PAQR5: variants seen among roughly 807,000 people sequenced by gnomAD.
PAQR5 encodes membrane progestin receptor gamma.
Under a neutral mutation model 34.5 loss-of-function variants are expected in PAQR5, and 20 were observed. The observed-to-expected ratio is 0.58, with a 90% CI of 0.41 to 0.84. The LOEUF is 0.84. PAQR5 is among the 40% of genes least tolerant of loss of function. The pLI is 0.00. For missense variants in PAQR5, 378 were observed against 412.7 expected (o/e 0.92, Z 0.73); for synonymous variants, 131 against 155.6 (o/e 0.84, Z 1.18).
Position 69,300,917 on chromosome 15 carries a change from C to T in PAQR5, c.-277+1861C>T, listed in dbSNP as rs1566986550. Among the ~76,000 whole-genome samples, 2 of 6,242 alleles carry T rather than the reference C, an allele frequency of 3.2e-4. 1 individual carries two copies. Among genetic ancestry groups the T allele is most frequent in the Non-Finnish European group, 1.5e-3 (2 of 1,340 alleles). 4.1% of individuals were successfully genotyped at this position (6,242 alleles called of 152,430 possible). A position where few individuals can be genotyped will look rare whatever the true frequency, so the allele number is the denominator to read the frequency against. On this transcript the variant is annotated intron_variant, in intron 1 of 8. Transcript: ENST00000395407. ...TCTTCCTTCCTTCCTTCCTTCCTTTCTCTCTCTCTCTCTCTCTCTCTCTTT... is the reference window on the plus strand; with the variant it reads ...TCTTCCTTCCTTCCTTCCTTCCTTTTTCTCTCTCTCTCTCTCTCTCTCTTT...
intron 2 of PAQR5, among the ~76,000 whole-genome samples, chr15:69,359,080 C>A (rs1159360496): frequency 6.6e-6 from 1 of 152,164 alleles, no homozygotes; most frequent in Non-Finnish European, 1.5e-5. Context: ...GGTGAGGGCC[C>A]ATTCCTCATA....
intron 2 of PAQR5, among the ~76,000 whole-genome samples, chr15:69,341,927 CAA>C (rs71149907): frequency 3.0e-5 from 4 of 135,082 alleles, no homozygotes; most frequent in African/African-American, 2.8e-5. Flanking sequence ...GACCCTGTCT[CAA>C]AAAAAAAAAA....
At chr15:69,310,874 T>A (rs892751509) in intron 1 of PAQR5, among the ~76,000 whole-genome samples, 2 of 151,052 alleles carry the variant, frequency 1.3e-5, no homozygotes, top group Admixed American at 6.6e-5. Context: ...CCGTCTCTAC[T>A]AAAAATACAA....
chr15:69,400,131 C>T lies in PAQR5; in HGVS notation c.751+16C>T. 1.2e-6 allele frequency: 2 copies of T among 1,606,314 alleles called. No homozygotes were observed. Among genetic ancestry groups the T allele is most frequent in the Non-Finnish European group, 1.7e-6 (2 of 1,176,402 alleles). ...GACTACATCGGTGAGTGGGCAACAGCCCTGCTGCTCTGCTCATTGCCCTCC... is the reference window on the plus strand; with the variant it reads ...GACTACATCGGTGAGTGGGCAACAGTCCTGCTGCTCTGCTCATTGCCCTCC... On this transcript the variant is annotated intron_variant, in intron 8 of 8. Coordinates refer to ENST00000395407, the MANE Select transcript of PAQR5 (RefSeq NM_017705.4).
At chr15:69,371,966 A>G (rs2055575024) in intron 3 of PAQR5, among the ~76,000 whole-genome samples, 1 of 152,224 alleles carries the variant, frequency 6.6e-6, no homozygotes, top group Admixed American at 6.5e-5. Context: ...CTAAGCGTTT[A>G]ACAGCATGGA....
At position 69,404,991 on chromosome 15, in the gene PAQR5, C is replaced by G; in HGVS notation, c.*1169C>G. 5 of 398,608 alleles carry G rather than the reference C, an allele frequency of 1.3e-5. No homozygotes were observed. Among genetic ancestry groups the G allele is most frequent in the Non-Finnish European group, 2.2e-5 (5 of 226,052 alleles). The allele number at this position is 398,608 out of a possible 1,614,324, so 24.7% of individuals were successfully genotyped here. Reference sequence around the variant, plus strand: ...GTTACATGTTCCAAAAGGCATTAGACCTATCAGCTTTGTTTCGCCTGATCT... The same window carrying G: ...GTTACATGTTCCAAAAGGCATTAGAGCTATCAGCTTTGTTTCGCCTGATCT... On this transcript the variant is annotated 3_prime_UTR_variant, in exon 9 of 9. Coordinates refer to ENST00000395407, the MANE Select transcript of PAQR5 (RefSeq NM_017705.4).
chr15:69,333,075 G>GT (rs1052153757), intron 1 of PAQR5, among the ~76,000 whole-genome samples: 1 of 152,064 alleles, frequency 6.6e-6, no homozygotes, highest in African/African-American at 2.4e-5. Flanking sequence ...TTTGGGACTT[G>GT]TTTTTTTCCT....
intron 3 of PAQR5, among the ~76,000 whole-genome samples, chr15:69,369,695 G>A (rs979755661): frequency 1.3e-5 from 2 of 151,488 alleles, no homozygotes; most frequent in African/African-American, 4.9e-5. Flanking sequence ...TAGGGGCATG[G>A]ACCACAAACC....
Position 69,319,601 on chromosome 15 carries a change from A to G in PAQR5, c.-276-17740A>G, listed in dbSNP as rs534091392. ...TCTGACAAGCCAGGTTTCTTTGGAAACACAGCTGGGCTTGGGACTTGCTGC... is the reference window on the plus strand; with the variant it reads ...TCTGACAAGCCAGGTTTCTTTGGAAGCACAGCTGGGCTTGGGACTTGCTGC... On this transcript the variant is annotated intron_variant, in intron 1 of 8. Transcript: ENST00000395407. Among the ~76,000 whole-genome samples the G allele has an allele frequency of 5.9e-5, 9 of 152,136 alleles. No homozygotes were observed. The East Asian group carries it at 1.6e-3, about 26-fold the overall frequency.
Position 69,360,039 on chromosome 15 carries a change from G to A in PAQR5, c.-42G>A, listed in dbSNP as rs368646324. The A allele has an allele frequency of 5.8e-6, 9 of 1,540,650 alleles. No individual in the cohort carries two copies. In the Admixed American group the frequency reaches 1.0e-4, roughly 17 times the overall value. On this transcript the variant is annotated 5_prime_UTR_variant, in exon 3 of 9. Transcript: ENST00000395407. ...AGCTTTGAGTGAGGCCTGGTAACAG[G>A]GAGGCGCTGTCACCTACTGGCCTTG...
At chr15:69,326,923 TTTATGTTGTGC>T (rs2054267430) in intron 1 of PAQR5, among the ~76,000 whole-genome samples, 1 of 151,594 alleles carries the variant, frequency 6.6e-6, no homozygotes, top group African/African-American at 2.4e-5. Flanking sequence ...GGCCTCATGC[TTTATGTTGTGC>T]ATTCTATGGA....
At chr15:69,384,206 G>A (rs188886802) in intron 4 of PAQR5, among the ~76,000 whole-genome samples, 1 of 131,874 alleles carries the variant, frequency 7.6e-6, no homozygotes, top group Non-Finnish European at 1.6e-5. Flanking sequence ...GAGGGTGAGC[G>A]GGGGCCCTCC....
intron 3 of PAQR5, among the ~76,000 whole-genome samples, chr15:69,370,048 A>ATATTAATTGCATT (rs2055514792): frequency 6.6e-6 from 1 of 152,220 alleles, no homozygotes; most frequent in South Asian, 2.1e-4. Flanking sequence ...TCCAGACAGC[A>ATATTAATTGCATT]TATTAATTGC....
Position 69,384,826 on chromosome 15 carries a change from A to G in PAQR5, c.329A>G (p.Asn110Ser), listed in dbSNP as rs2056063237. The change falls in exon 5 of 9, where the codon AAT becomes AGT. Residue 110 changes from asparagine (N) to serine (S), a missense_variant. Asn to Ser is a conservative substitution (Grantham distance 46, BLOSUM62 1). Transcript: ENST00000395407. ...CAHTFSSMSK[N>S]ARHICYFLDY... ...CACACCTTCAGCTCTATGTCCAAGA[A>G]TGCCCGGCACATTTGCTACTTCCTG... The G allele has an allele frequency of 6.2e-7, 1 of 1,614,070 alleles. No individual in the cohort carries two copies. Among genetic ancestry groups the G allele is most frequent in the African/African-American group, 1.3e-5 (1 of 74,938 alleles).
rs1360434493 is a variant in PAQR5, at chr15:69,407,328, CA to C, written c.*3507del. On this transcript the variant is annotated 3_prime_UTR_variant, in exon 9 of 9. Coordinates refer to ENST00000395407, the MANE Select transcript of PAQR5 (RefSeq NM_017705.4). ...ACTTTTTGTAGAGATAGGGTTTTGC[CA>C]TGCTGCCCAGGCTGGCTTAGAATTC... 5 of 152,054 alleles carry C rather than the reference CA, an allele frequency of 3.3e-5. No individual in the cohort carries two copies. The highest frequency in any genetic ancestry group is 1.2e-4 in the African/African-American group (5 of 41,376). 9.4% of individuals were successfully genotyped at this position (152,054 alleles called of 1,614,324 possible).
At position 69,305,526 on chromosome 15, in the gene PAQR5, G is replaced by A. The variant is rs568639897; in HGVS notation, c.-277+6470G>A. On this transcript the variant is annotated intron_variant, in intron 1 of 8. Transcript: ENST00000395407. ...AGTCGGGGTGGGTGGGGCGAGGCTC[G>A]GAGTGAGGGGGAGAGAGGCCTGTGG... Among the ~76,000 whole-genome samples, 5 of 152,162 alleles carry A rather than the reference G, an allele frequency of 3.3e-5. No homozygotes were observed. The South Asian group carries it at 6.2e-4, about 19-fold the overall frequency.
intron 1 of PAQR5, among the ~76,000 whole-genome samples, chr15:69,312,021 G>C (rs2053844401): frequency 6.6e-6 from 1 of 152,172 alleles, no homozygotes; most frequent in African/African-American, 2.4e-5. Context: ...ATTCCTGGAG[G>C]AAGTGGGCTG....
At chr15:69,360,963 A>G (rs1218593604) in intron 3 of PAQR5, among the ~76,000 whole-genome samples, 4 of 152,180 alleles carry the variant, frequency 2.6e-5, no homozygotes, top group Non-Finnish European at 5.9e-5. Flanking sequence ...TGAGGGGGAA[A>G]TTGCCAAACC....
In PAQR5 at chr15:69,406,676, C is replaced by G. The variant is rs2056753755; in HGVS notation, c.*2854C>G. The G allele has an allele frequency of 6.6e-6, 1 of 152,194 alleles. No individual in the cohort carries two copies. Among genetic ancestry groups the G allele is most frequent in the Non-Finnish European group, 1.5e-5 (1 of 68,090 alleles). 9.4% of individuals were successfully genotyped at this position (152,194 alleles called of 1,614,324 possible). A position where few individuals can be genotyped will look rare whatever the true frequency, so the allele number is the denominator to read the frequency against. On this transcript the variant is annotated 3_prime_UTR_variant, in exon 9 of 9. Coordinates refer to ENST00000395407, the MANE Select transcript of PAQR5 (RefSeq NM_017705.4). ...TTGGGCCCAAGAATTCAGGACCAGT[C>G]TGGGCAACAGAGCCAGACACTGTCT... is the stretch of plus-strand genomic sequence containing the variant.
Sources: allele counts gnomAD v4.1 joint callset (sites outside exome capture counted in the v4.1 genomes callset), GRCh38; gene constraint gnomAD v4.1.1; transcripts MANE v1.5; gene names NCBI Gene and HGNC (gene_info 2026-07-23, HGNC 2026-07-21).